Variants in SCHIP1 observed in about 807,000 individuals in gnomAD.
SCHIP1 encodes schwannomin interacting protein 1, also known as schwannomin-interacting protein 1.
In SCHIP1, 8 loss-of-function variants were observed where a neutral mutation model predicts 29.7. The ratio of observed to expected loss-of-function variants is 0.27; its 90% CI spans 0.16 to 0.49. SCHIP1 has a LOEUF of 0.49. Ranked by LOEUF, SCHIP1 falls within the 20% of genes least tolerant of loss-of-function variation. The pLI is 0.99. For synonymous variants in SCHIP1, 76 were observed against 94.9 expected (o/e 0.80, Z 1.16); for missense variants, 193 against 294.6 (o/e 0.66, Z 2.52).
chr3:159,508,748 A>G, the SCHIP1 span, among the ~76,000 whole-genome samples: 39 of 151,992 alleles, frequency 2.6e-4, no homozygotes, highest in Admixed American at 1.3e-3. Flanking sequence ...TCAGGAGAAG[A>G]TTGTTCAGTT....
the SCHIP1 span, among the ~76,000 whole-genome samples, chr3:159,461,436 G>T: frequency 6.6e-6 from 1 of 152,086 alleles, no homozygotes; most frequent in African/African-American, 2.4e-5. Context: ...CTGAAAACAA[G>T]TGGCTGAAGA....
chr3:159,469,000 T>C, the SCHIP1 span, among the ~76,000 whole-genome samples: 2,141 of 151,828 alleles, frequency 0.014, 53 homozygotes, highest in African/African-American at 0.049. Flanking sequence ...TCTCCTGACC[T>C]CGTGATCTGC....
chr3:159,822,773 G>T, the SCHIP1 span, among the ~76,000 whole-genome samples: 2 of 151,450 alleles, frequency 1.3e-5, no homozygotes, highest in Non-Finnish European at 2.9e-5. Flanking sequence ...TGGCTGCAAC[G>T]GGGAGGGCTA....
the SCHIP1 span, among the ~76,000 whole-genome samples, chr3:159,376,549 G>A: frequency 2.0e-5 from 3 of 152,162 alleles, no homozygotes; most frequent in Non-Finnish European, 4.4e-5. Flanking sequence ...CACTTCATAT[G>A]TGTTCTTAAC....
chr3:159,522,188 G>A, the SCHIP1 span, among the ~76,000 whole-genome samples: 1 of 152,176 alleles, frequency 6.6e-6, no homozygotes, highest in Non-Finnish European at 1.5e-5. Flanking sequence ...CAAAAATACA[G>A]TCATGCAGAA....
At chr3:159,397,891 A>C in the SCHIP1 span, among the ~76,000 whole-genome samples, 1 of 152,204 alleles carries the variant, frequency 6.6e-6, no homozygotes, top group African/African-American at 2.4e-5. Flanking sequence ...TACCTAAGCA[A>C]GCCTGGGCAA....
chr3:159,441,264 G>A, the SCHIP1 span, among the ~76,000 whole-genome samples: 2 of 152,104 alleles, frequency 1.3e-5, no homozygotes, highest in Non-Finnish European at 2.9e-5. Context: ...TTTGTGGATT[G>A]TTTTTATCAG....
chr3:159,432,502 T>C, the SCHIP1 span, among the ~76,000 whole-genome samples: 1 of 152,064 alleles, frequency 6.6e-6, no homozygotes, highest in Non-Finnish European at 1.5e-5. Context: ...CACACTCAAG[T>C]GAAAGGGAAC....
At chr3:159,506,386 A>G in the SCHIP1 span, among the ~76,000 whole-genome samples, 1 of 152,172 alleles carries the variant, frequency 6.6e-6, no homozygotes, top group Non-Finnish European at 1.5e-5. Flanking sequence ...AGATGAGTAG[A>G]TTGCAAAAGT....
the SCHIP1 span, among the ~76,000 whole-genome samples, chr3:159,656,215 C>T: frequency 6.6e-6 from 1 of 152,126 alleles, no homozygotes; most frequent in African/African-American, 2.4e-5. Flanking sequence ...GCTCTGGGTA[C>T]TTCATATACA....
the SCHIP1 span, among the ~76,000 whole-genome samples, chr3:159,394,314 C>G: frequency 1.3e-5 from 2 of 152,068 alleles, no homozygotes; most frequent in East Asian, 1.9e-4. Flanking sequence ...ATTTCCTTCT[C>G]CTGCCTAATT....
At chr3:159,498,203 G>A in the SCHIP1 span, among the ~76,000 whole-genome samples, 38 of 152,186 alleles carry the variant, frequency 2.5e-4, no homozygotes, top group South Asian at 6.2e-4. Context: ...GCTCTATTTC[G>A]TTATTCTCAC....
At chr3:159,626,222 ATATATATC>A in the SCHIP1 span, among the ~76,000 whole-genome samples, 1 of 109,814 alleles carries the variant, frequency 9.1e-6, no homozygotes, top group African/African-American at 7.6e-5. Flanking sequence ...ATCTAGATAT[ATATATATC>A]TAGATATATC....
At chr3:159,507,265 G>T in the SCHIP1 span, among the ~76,000 whole-genome samples, 1 of 151,826 alleles carries the variant, frequency 6.6e-6, no homozygotes, top group African/African-American at 2.4e-5. Context: ...TTGGCATTCT[G>T]TTTGTCTGTT....
chr3:159,658,705 A>T, the SCHIP1 span, among the ~76,000 whole-genome samples: 1 of 152,312 alleles, frequency 6.6e-6, no homozygotes, highest in African/African-American at 2.4e-5. Flanking sequence ...AGGTATCTTT[A>T]GCCTGGACAT....
the SCHIP1 span, among the ~76,000 whole-genome samples, chr3:159,350,481 A>G: frequency 1.3e-5 from 2 of 152,140 alleles, no homozygotes; most frequent in Non-Finnish European, 2.9e-5. Context: ...ACCAGAAAAT[A>G]TTTCAATTTT....
chr3:159,323,147 T>C, the SCHIP1 span, among the ~76,000 whole-genome samples: 1 of 152,240 alleles, frequency 6.6e-6, no homozygotes, highest in African/African-American at 2.4e-5. Flanking sequence ...CTGAAAATTA[T>C]ATACTAATTT....
chr3:159,524,324 A>G, the SCHIP1 span, among the ~76,000 whole-genome samples: 13 of 152,148 alleles, frequency 8.5e-5, no homozygotes, highest in South Asian at 2.1e-4. Context: ...CCCTTGGTCT[A>G]TCCTAGAACT....
the SCHIP1 span, among the ~76,000 whole-genome samples, chr3:159,492,664 T>A: frequency 6.6e-6 from 1 of 152,202 alleles, no homozygotes. Flanking sequence ...GGAACCAAGT[T>A]GGAAAACACT....
Sources: gnomAD v4.1 joint callset for allele counts (sites outside exome capture counted in the v4.1 genomes callset) on GRCh38, gnomAD v4.1.1 for gene constraint, MANE v1.5 for transcripts, NCBI Gene and HGNC (gene_info 2026-07-23, HGNC 2026-07-21) for gene names.